The following SLC35D2 variants were observed in gnomAD, a reference collection of about 807,000 sequenced individuals.
SLC35D2 encodes solute carrier family 35 member D2, also known as nucleotide sugar transporter SLC35D2.
Under a neutral mutation model 41.8 loss-of-function variants are expected in SLC35D2, and 43 were observed. That is an observed-to-expected ratio of 1.03 (90% CI 0.81 to 1.33). The LOEUF is 1.33. SLC35D2 is among the 40% of genes most tolerant of loss of function. SLC35D2 has a pLI of 0.00. For synonymous variants in SLC35D2, 150 were observed against 163.9 expected (o/e 0.92, Z 0.65); for missense variants, 380 against 408.4 (o/e 0.93, Z 0.60).
chr9:96,347,875 C>T (rs1378608344), intron 6 of SLC35D2, among the ~76,000 whole-genome samples: 1 of 152,210 alleles, frequency 6.6e-6, no homozygotes, highest in Non-Finnish European at 1.5e-5. Context: ...CTCACTGCTA[C>T]ACTCCCGCCA....
At chr9:96,358,241 T>C (rs10990690) in intron 4 of SLC35D2, among the ~76,000 whole-genome samples, 20,929 of 151,432 alleles carry the variant, frequency 0.14, 1,824 homozygotes, top group East Asian at 0.28. Context: ...ACAATTCTAC[T>C]TCTATGAGAT....
At chr9:96,319,735 A>C (rs1828144325), downstream of SLC35D2, among the ~76,000 whole-genome samples, 1 of 152,124 alleles carries the variant, frequency 6.6e-6, no homozygotes, top group Non-Finnish European at 1.5e-5. Flanking sequence ...CCTAGGCTCA[A>C]GCGATTTTCC....
chr9:96,345,655 CTT>C (rs1311636344), intron 6 of SLC35D2, among the ~76,000 whole-genome samples: 1 of 152,224 alleles, frequency 6.6e-6, no homozygotes, highest in Non-Finnish European at 1.5e-5. Context: ...ACTGCAACCC[CTT>C]TCTTTCGCTA....
intron 6 of SLC35D2, among the ~76,000 whole-genome samples, chr9:96,348,399 G>A (rs1371998570): frequency 2.6e-5 from 4 of 152,200 alleles, no homozygotes; most frequent in African/African-American, 9.6e-5. Context: ...ATCCCTGAGT[G>A]AACACATGGA....
intron 9 of SLC35D2, among the ~76,000 whole-genome samples, chr9:96,332,734 G>A (rs1429935660): frequency 4.0e-5 from 6 of 151,828 alleles, no homozygotes; most frequent in East Asian, 2.0e-4. Flanking sequence ...AGCCGAGATC[G>A]CGCCACTGCA....
downstream of SLC35D2, among the ~76,000 whole-genome samples, chr9:96,316,459 T>C (rs1828054958): frequency 6.8e-6 from 1 of 148,144 alleles, no homozygotes. Context: ...CACTCCAGCC[T>C]GGGCAAGACA....
intron 4 of SLC35D2, among the ~76,000 whole-genome samples, chr9:96,354,858 A>T (rs949381459): frequency 6.6e-6 from 1 of 151,666 alleles, no homozygotes; most frequent in Non-Finnish European, 1.5e-5. Context: ...AATTTTAACA[A>T]AAGAAGTGTA....
At chr9:96,374,201 T>G (rs1458541658) in intron 1 of SLC35D2, 2 of 152,194 alleles carry the variant, frequency 1.3e-5, no homozygotes, top group Non-Finnish European at 2.9e-5. Context: ...AATTTATAAA[T>G]GAATAGCTTC....
At chr9:96,329,276 G>C (rs1255411519) in intron 9 of SLC35D2, among the ~76,000 whole-genome samples, 1 of 151,736 alleles carries the variant, frequency 6.6e-6, no homozygotes, top group East Asian at 1.9e-4. Flanking sequence ...TGTTGCCCAG[G>C]CTGGAGTGTA....
intron 9 of SLC35D2, among the ~76,000 whole-genome samples, chr9:96,335,466 T>G (rs1363792173): frequency 6.6e-6 from 1 of 152,112 alleles, no homozygotes; most frequent in Non-Finnish European, 1.5e-5. Flanking sequence ...TTCAAGCGAT[T>G]CTTCTGCCTC....
chr9:96,336,045 A>G (rs117225702), intron 9 of SLC35D2, among the ~76,000 whole-genome samples: 19,221 of 134,250 alleles, frequency 0.14, 1,729 homozygotes, highest in East Asian at 0.38. Flanking sequence ...GCAAGACTCC[A>G]TCTTCAAAAA....
chr9:96,317,860 C>T (rs6479242), downstream of SLC35D2, among the ~76,000 whole-genome samples: 95,391 of 142,930 alleles, frequency 0.67, 32,447 homozygotes, highest in African/African-American at 0.85. Context: ...CAGTCGCTAC[C>T]AAAAATACAA....
chr9:96,343,732 T>G (rs1484806222), intron 8 of SLC35D2, among the ~76,000 whole-genome samples, 172 bp downstream of exon 8: 1 of 152,202 alleles, frequency 6.6e-6, no homozygotes, highest in Non-Finnish European at 1.5e-5. Flanking sequence ...TAAATGCCAA[T>G]GCAAGGGTAG....
At chr9:96,368,656 C>T (rs1830563661) in intron 1 of SLC35D2, among the ~76,000 whole-genome samples, 1 of 150,592 alleles carries the variant, frequency 6.6e-6, no homozygotes, top group South Asian at 2.1e-4. Flanking sequence ...GGCATGCCAC[C>T]ACACCCAGCT....
intron 1 of SLC35D2, among the ~76,000 whole-genome samples, chr9:96,368,862 T>C (rs1830575366): frequency 6.6e-6 from 1 of 151,798 alleles, no homozygotes. Context: ...CCTCCTGGGT[T>C]CAAGCGATTC....
chr9:96,324,061 T>C (rs377214875), intron 10 of SLC35D2, 30 bp downstream of exon 10: 1 of 1,583,356 alleles, frequency 6.3e-7, no homozygotes, highest in Non-Finnish European at 8.7e-7. Context: ...CTTGACTCAG[T>C]TGTTCCCTTC....
chr9:96,376,764 C>T (rs1376357506), intron 1 of SLC35D2, among the ~76,000 whole-genome samples: 2 of 151,774 alleles, frequency 1.3e-5, no homozygotes, highest in African/African-American at 4.8e-5. Flanking sequence ...GATTACCAGG[C>T]CTGGCTAATT....
At chr9:96,375,262 C>A (rs1830892795) in intron 1 of SLC35D2, among the ~76,000 whole-genome samples, 1 of 151,774 alleles carries the variant, frequency 6.6e-6, no homozygotes. Flanking sequence ...ATAATAATCA[C>A]AACAGAATAA....
chr9:96,314,970 G>A (rs1828015798), intron 11 of SLC35D2: 1 of 152,154 alleles, frequency 6.6e-6, no homozygotes, highest in African/African-American at 2.4e-5. Flanking sequence ...CTTACCAAGT[G>A]TTAGTAGGTT....
Sources: gnomAD v4.1 joint callset for allele counts (sites outside exome capture counted in the v4.1 genomes callset) on GRCh38, gnomAD v4.1.1 for gene constraint, MANE v1.5 for transcripts, NCBI Gene and HGNC (gene_info 2026-07-23, HGNC 2026-07-21) for gene names.